The following MGAT4C variants were observed in gnomAD, a reference collection of about 807,000 sequenced individuals.
MGAT4C encodes MGAT4 family member C, also known as alpha-1,3-mannosyl-glycoprotein 4-beta-N-acetylglucosaminyltransferase C.
MGAT4C carries 19 observed loss-of-function variants against 40.1 expected under a neutral mutation model. The ratio of observed to expected loss-of-function variants is 0.47; its 90% CI spans 0.33 to 0.70. The LOEUF (loss-of-function observed/expected upper bound fraction) is 0.70. Ranked by LOEUF, MGAT4C falls within the 30% of genes least tolerant of loss-of-function variation. MGAT4C has a pLI of 0.02. For missense variants in MGAT4C, 491 were observed against 563.2 expected (o/e 0.87, Z 1.30); for synonymous variants, 181 against 187.1 (o/e 0.97, Z 0.27).
intron 2 of MGAT4C, among the ~76,000 whole-genome samples, chr12:86,718,105 C>T (rs769415687): frequency 1.4e-4 from 22 of 152,140 alleles, no homozygotes; most frequent in Non-Finnish European, 3.1e-4. Context: ...GTTAAATAGC[C>T]TACAATGCAT....
At chr12:86,241,344 C>T (rs1025159664) in intron 1 of MGAT4C, among the ~76,000 whole-genome samples, 6 of 152,076 alleles carry the variant, frequency 3.9e-5, no homozygotes, top group Admixed American at 1.3e-4. Context: ...TTTACTACTA[C>T]GGAAGCAAAA....
chr12:86,464,809 A>G (rs1273552971), intron 2 of MGAT4C, among the ~76,000 whole-genome samples: 1 of 152,142 alleles, frequency 6.6e-6, no homozygotes, highest in African/African-American at 2.4e-5. Context: ...TACATTATGT[A>G]TTGAATACTA....
intron 3 of MGAT4C, among the ~76,000 whole-genome samples, chr12:85,985,527 G>A (rs1885108448): frequency 6.6e-6 from 1 of 151,934 alleles, no homozygotes; most frequent in Non-Finnish European, 1.5e-5. Flanking sequence ...TTGATAATTT[G>A]GACCAAGAAA....
At chr12:86,724,743 A>C (rs1950794290) in intron 2 of MGAT4C, among the ~76,000 whole-genome samples, 1 of 152,190 alleles carries the variant, frequency 6.6e-6, no homozygotes, top group South Asian at 2.1e-4. Flanking sequence ...AAGCTTAAAA[A>C]TCAACATTAT....
At chr12:86,393,414 C>A (rs1389555187) in intron 3 of MGAT4C, among the ~76,000 whole-genome samples, 1 of 152,100 alleles carries the variant, frequency 6.6e-6, no homozygotes, top group Non-Finnish European at 1.5e-5. Flanking sequence ...AGGGATCATA[C>A]AATCCAATAT....
At chr12:86,420,509 T>A (rs996230542) in intron 3 of MGAT4C, among the ~76,000 whole-genome samples, 1 of 152,130 alleles carries the variant, frequency 6.6e-6, no homozygotes, top group Non-Finnish European at 1.5e-5. Flanking sequence ...TAAAATAGGC[T>A]GGGCCACCTC....
At chr12:86,694,044 T>G (rs1454354070) in intron 2 of MGAT4C, among the ~76,000 whole-genome samples, 1 of 152,196 alleles carries the variant, frequency 6.6e-6, no homozygotes, top group Non-Finnish European at 1.5e-5. Flanking sequence ...GGAATACACT[T>G]TTAACATGTA....
intron 1 of MGAT4C, among the ~76,000 whole-genome samples, chr12:86,729,653 C>CAA (rs199519845): frequency 2.6e-5 from 4 of 151,136 alleles, no homozygotes; most frequent in Non-Finnish European, 5.9e-5. Flanking sequence ...AATATAAAAA[C>CAA]AAAAAAAACT....
At chr12:86,120,061 T>G (rs1008848560) in intron 1 of MGAT4C, among the ~76,000 whole-genome samples, 1 of 151,870 alleles carries the variant, frequency 6.6e-6, no homozygotes, top group Non-Finnish European at 1.5e-5. Flanking sequence ...ATGCTAACAA[T>G]TTATACAAGC....
At chr12:86,136,737 G>A (rs148080112) in intron 1 of MGAT4C, among the ~76,000 whole-genome samples, 3 of 151,434 alleles carry the variant, frequency 2.0e-5, no homozygotes, top group Non-Finnish European at 4.4e-5. Flanking sequence ...CATCCGGTCC[G>A]GCATGCAATA....
rs137895155 is a variant in MGAT4C at position 86,669,384 on chromosome 12, G to A, written c.-229+57825C>T. Among the ~76,000 whole-genome samples the A allele has an allele frequency of 3.8e-3, 573 of 152,220 alleles. 1 individual carries two copies. Among genetic ancestry groups the A allele is most frequent in the Admixed American group, 6.3e-3 (96 of 15,286 alleles). On this transcript the variant is annotated intron_variant, in intron 2 of 7. Transcript: ENST00000548651. ...GGCATTCAGAGCACCTGTTTGCCTC[G>A]TTCAGCAGCCTGAGTTGCCACCCCT...
chr12:86,564,139 G>T lies in MGAT4C; in HGVS notation c.-228-128874C>A, dbSNP rs921233753. ...TATCCCCATTCAACTCTCCTATTTGGCCTGTGCAGAAGAAAGATGAATCTT... is the reference window on the plus strand; with the variant it reads ...TATCCCCATTCAACTCTCCTATTTGTCCTGTGCAGAAGAAAGATGAATCTT... On this transcript the variant is annotated intron_variant, in intron 2 of 7. Coordinates refer to the MGAT4C transcript ENST00000548651. Among the ~76,000 whole-genome samples the T allele has an allele frequency of 5.3e-5, 8 of 152,292 alleles. No individual in the cohort carries two copies. In the East Asian group the frequency reaches 1.5e-3, roughly 29 times the overall value.
intron 2 of MGAT4C, among the ~76,000 whole-genome samples, chr12:86,641,323 A>C (rs1963379685): frequency 6.6e-6 from 1 of 151,520 alleles, no homozygotes; most frequent in Admixed American, 6.6e-5. Context: ...GAACAATGAC[A>C]ACACATGGAC....
intron 3 of MGAT4C, among the ~76,000 whole-genome samples, chr12:86,414,271 T>C (rs1592814612): frequency 6.6e-6 from 1 of 152,262 alleles, no homozygotes; most frequent in East Asian, 1.9e-4. Flanking sequence ...TAAGAATGGA[T>C]TTTAATTAAT....
At chr12:86,788,854 G>T (rs1426096145) in intron 1 of MGAT4C, among the ~76,000 whole-genome samples, 1 of 152,110 alleles carries the variant, frequency 6.6e-6, no homozygotes, top group Non-Finnish European at 1.5e-5. Context: ...AAGTAACTGT[G>T]CTTGGAAAGG....
chr12:86,591,752 C>A (rs186393201), intron 2 of MGAT4C, among the ~76,000 whole-genome samples: 264 of 151,602 alleles, frequency 1.7e-3, no homozygotes, highest in African/African-American at 6.0e-3. Context: ...TAATATATTA[C>A]CTTTTGCAAA....
rs1421541937 is a variant in MGAT4C, at chr12:85,985,886, A to C, written c.148-2216T>G. 5.9e-5 allele frequency among the ~76,000 whole-genome samples: 9 copies of C among 152,190 alleles called. No individual in the cohort carries two copies. In the East Asian group the frequency reaches 1.7e-3, roughly 29 times the overall value. On this transcript the variant is annotated intron_variant, in intron 3 of 4. Coordinates refer to ENST00000611864, the MANE Select transcript of MGAT4C (RefSeq NM_001351288.2). ...AATAATGCCTGGAAGAAATTTCTGT[A>C]AAAAGTACAGTAATTACAGCACTAA...
intron 2 of MGAT4C, among the ~76,000 whole-genome samples, chr12:86,461,009 T>C (rs992289442): frequency 9.2e-5 from 14 of 152,128 alleles, no homozygotes; most frequent in Admixed American, 7.2e-4. Flanking sequence ...TCTTGTTTCC[T>C]ATACTCCTTA....
chr12:86,426,485 T>C (rs990961609), intron 3 of MGAT4C, among the ~76,000 whole-genome samples: 2 of 152,212 alleles, frequency 1.3e-5, no homozygotes, highest in African/African-American at 4.8e-5. Context: ...TCATTCACCA[T>C]ATACAAATAA....
Sources: gnomAD v4.1 joint callset for allele counts (sites outside exome capture counted in the v4.1 genomes callset) on GRCh38, gnomAD v4.1.1 for gene constraint, MANE v1.5 for transcripts, NCBI Gene and HGNC (gene_info 2026-07-23, HGNC 2026-07-21) for gene names.